The following CTDSP1 variants were observed in gnomAD, a reference collection of about 807,000 sequenced individuals.
CTDSP1 encodes the protein carboxy-terminal domain RNA polymerase II polypeptide A small phosphatase 1.
In CTDSP1, 15 loss-of-function variants were observed where a neutral mutation model predicts 32.5. The observed-to-expected ratio is 0.46, with a 90% CI of 0.31 to 0.71. The LOEUF is 0.71. CTDSP1 is among the 30% of genes least tolerant of loss of function. CTDSP1 has a pLI of 0.05. For missense variants in CTDSP1, 294 were observed against 351.1 expected (o/e 0.84, Z 1.30); for synonymous variants, 185 against 145.4 (o/e 1.27, Z -1.96).
upstream of CTDSP1, among the ~76,000 whole-genome samples, chr2:218,397,248 GGTCA>G (rs1389180587): frequency 3.3e-5 from 5 of 152,328 alleles, no homozygotes; most frequent in South Asian, 4.1e-4. Flanking sequence ...GTCGCGCCAA[GGTCA>G]GTCATTTGGA....
intron 6 of CTDSP1, 129 bp downstream of exon 6, chr2:218,403,546 A>G: frequency 1.3e-6 from 1 of 778,570 alleles, no homozygotes; most frequent in East Asian, 2.7e-5. Context: ...TCCTGCATTC[A>G]TTGCCTGTGC....
rs1397234429 is a variant in CTDSP1, at chr2:218,405,680, G to A, written c.*1255G>A. 1 of 153,034 alleles carries A rather than the reference G, an allele frequency of 6.5e-6. No individual in the cohort carries two copies. The highest frequency in any genetic ancestry group is 1.5e-5 in the Non-Finnish European group (1 of 68,252). 9.5% of individuals were successfully genotyped at this position (153,034 alleles called of 1,614,324 possible). ...TCCCAGGATATCCTGCCTTCCAACTGTTTCTGAAGCCCCTCCTCCTAACAT... is the reference window on the plus strand; with the variant it reads ...TCCCAGGATATCCTGCCTTCCAACTATTTCTGAAGCCCCTCCTCCTAACAT... On this transcript the variant is annotated 3_prime_UTR_variant, in exon 7 of 7. Coordinates refer to ENST00000273062, the MANE Select transcript of CTDSP1 (RefSeq NM_021198.3).
intron 1 of CTDSP1, chr2:218,400,933 A>C (rs942335489): frequency 1.1e-5 from 5 of 454,498 alleles, no homozygotes; most frequent in Non-Finnish European, 1.8e-5. Flanking sequence ...GCTGCCCCGG[A>C]ACTGAGGGCA....
At chr2:218,397,296 TC>T (rs1208772340), upstream of CTDSP1, among the ~76,000 whole-genome samples, 4 of 152,266 alleles carry the variant, frequency 2.6e-5, no homozygotes, top group Admixed American at 2.0e-4. Flanking sequence ...CTGCCCCCAT[TC>T]CCCCCATAGT....
At chr2:218,403,464 A>G in intron 6 of CTDSP1, 47 bp downstream of exon 6, 5 of 1,515,742 alleles carry the variant, frequency 3.3e-6, no homozygotes, top group Admixed American at 1.9e-5. Context: ...GAGACCCAGG[A>G]AGGGGTCAGT....
At chr2:218,402,545 C>T (rs1697204031) in intron 4 of CTDSP1, 140 bp downstream of exon 4, 2 of 884,640 alleles carry the variant, frequency 2.3e-6, no homozygotes, top group East Asian at 2.5e-5. Flanking sequence ...AGACTTGTCC[C>T]AAAGTCACAC....
chr2:218,401,481 T>C (rs2252235), intron 1 of CTDSP1, 83 bp from the exon 2 acceptor site: 902,968 of 1,504,610 alleles, frequency 0.6, 273,709 homozygotes, highest in East Asian at 0.68. Flanking sequence ...TCCTCCTGGC[T>C]CAGGGGTTCA....
chr2:218,400,561 G>T (rs993977633), intron 1 of CTDSP1: 1 of 370,854 alleles, frequency 2.7e-6, no homozygotes, highest in Non-Finnish European at 5.3e-6. Flanking sequence ...CACCCCCCCG[G>T]GCTGCGGTCC....
upstream of CTDSP1, among the ~76,000 whole-genome samples, chr2:218,397,391 C>T (rs1350149446): frequency 6.6e-6 from 1 of 152,168 alleles, no homozygotes; most frequent in Non-Finnish European, 1.5e-5. Flanking sequence ...TCCCTTTAGG[C>T]CTCCCAGGGA....
chr2:218,401,037 CG>C (rs1697109788), intron 1 of CTDSP1: 2 of 423,992 alleles, frequency 4.7e-6, no homozygotes, highest in African/African-American at 2.0e-5. Context: ...GAGGTCTGGG[CG>C]GGGCAGGGCA....
upstream of CTDSP1, chr2:218,398,222 G>A: frequency 1.7e-6 from 1 of 589,496 alleles, no homozygotes; most frequent in Non-Finnish European, 3.0e-6. Context: ...CCGCTCCCAG[G>A]CTGGAATCCC....
At chr2:218,398,199 G>C (rs1007513846), upstream of CTDSP1, 1 of 565,606 alleles carries the variant, frequency 1.8e-6, no homozygotes, top group Non-Finnish European at 3.2e-6. Context: ...GGACCGCAGG[G>C]GAGACAGATG....
chr2:218,396,523 G>A (rs549536383), upstream of CTDSP1: 2 of 152,544 alleles, frequency 1.3e-5, no homozygotes, highest in African/African-American at 4.8e-5. Context: ...AGGTCCGGAC[G>A]CTTGTTTATG....
chr2:218,401,193 C>T (rs570975789), intron 1 of CTDSP1: 15 of 370,174 alleles, frequency 4.1e-5, no homozygotes, highest in African/African-American at 2.5e-4. Context: ...CAGGCCCTGG[C>T]TGTCCTGAGC....
At chr2:218,402,988 C>G (rs749531944) in intron 4 of CTDSP1, 47 bp from the exon 5 acceptor site, 2 of 1,445,760 alleles carry the variant, frequency 1.4e-6, no homozygotes, top group Non-Finnish European at 1.9e-6. Context: ...CGGCCACCCC[C>G]ACACTGCCCC....
intron 1 of CTDSP1, 141 bp from the exon 2 acceptor site, chr2:218,401,423 A>G (rs567965160): frequency 2.5e-5 from 23 of 913,448 alleles, no homozygotes; most frequent in Non-Finnish European, 3.8e-5. Context: ...GTTTCAGAGA[A>G]AGTCAGGAGC....
chr2:218,404,625 C>A lies in CTDSP1; in HGVS notation c.*200C>A. On this transcript the variant is annotated 3_prime_UTR_variant, in exon 7 of 7. Transcript: ENST00000273062. ...ACTGAGGACCGTGAGCTCCAGGCCCCGTGTCAGTGCCTTCAAACCTCCTCC... is the reference window on the plus strand; with the variant it reads ...ACTGAGGACCGTGAGCTCCAGGCCCAGTGTCAGTGCCTTCAAACCTCCTCC... 1 of 585,012 alleles carries A rather than the reference C, an allele frequency of 1.7e-6. No homozygotes were observed. The highest frequency in any genetic ancestry group is 3.3e-5 in the Admixed American group (1 of 30,284). 36.2% of individuals were successfully genotyped at this position (585,012 alleles called of 1,614,324 possible).
intron 4 of CTDSP1, 85 bp from the exon 5 acceptor site, chr2:218,402,950 C>T: frequency 2.0e-6 from 2 of 990,800 alleles, no homozygotes; most frequent in South Asian, 2.6e-5. Context: ...TGCGCCTCTG[C>T]CTCCCTGGCC....
At chr2:218,398,752 G>C, upstream of CTDSP1, 1 of 278,646 alleles carries the variant, frequency 3.6e-6, no homozygotes, top group Non-Finnish European at 6.7e-6. Context: ...GTCGGGCTTG[G>C]CATTATTAAT....
Sources: gnomAD v4.1 joint callset for allele counts (sites outside exome capture counted in the v4.1 genomes callset) on GRCh38, gnomAD v4.1.1 for gene constraint, MANE v1.5 for transcripts, NCBI Gene and HGNC (gene_info 2026-07-23, HGNC 2026-07-21) for gene names.